KMT2E: variants seen among roughly 807,000 people sequenced by gnomAD.
The protein encoded by KMT2E is lysine methyltransferase 2E (inactive).
In KMT2E, 30 loss-of-function variants were observed where a neutral mutation model predicts 184.6. The ratio of observed to expected loss-of-function variants is 0.16; its 90% CI spans 0.12 to 0.22. KMT2E has a LOEUF of 0.22. Among genes scored for constraint, KMT2E ranks in the 10% least tolerant of loss-of-function variants. The pLI, the probability that KMT2E is intolerant of heterozygous loss-of-function variation, is 1.00. For missense variants in KMT2E, 2,023 were observed against 2,237.4 expected (o/e 0.90, Z 1.93); for synonymous variants, 815 against 776.5 (o/e 1.05, Z -0.82).
chr7:105,088,258 G>A (rs967462503), intron 13 of KMT2E, among the ~76,000 whole-genome samples: 9 of 152,154 alleles, frequency 5.9e-5, no homozygotes, highest in African/African-American at 1.9e-4. Context: ...CTCACCTAAA[G>A]TGCTTAATAA....
In KMT2E at chr7:105,056,492, G is replaced by A. The variant is rs547504999; in HGVS notation, c.72-5672G>A. On this transcript the variant is annotated intron_variant, in intron 3 of 26. Coordinates refer to ENST00000311117, the MANE Select transcript of KMT2E (RefSeq NM_182931.3). ...AAGATTCCACCTGCCATGTTTTCTT[G>A]TCTTTTTGCATATGCATGGGGTATT... Among the ~76,000 whole-genome samples, 9 of 152,246 alleles carry A rather than the reference G, an allele frequency of 5.9e-5. 1 individual carries two copies. Among genetic ancestry groups the A allele is most frequent in the Admixed American group, 5.9e-4 (9 of 15,288 alleles).
At chr7:105,024,488 TAA>T (rs1281105434) in intron 1 of KMT2E, among the ~76,000 whole-genome samples, 1 of 152,226 alleles carries the variant, frequency 6.6e-6, no homozygotes, top group Non-Finnish European at 1.5e-5. Context: ...AGAATTGACT[TAA>T]GAGAACTCTT....
rs1799468968 is a variant in KMT2E, at chr7:105,113,970, G to C, written c.*637G>C. The C allele has an allele frequency of 6.5e-6, 1 of 153,012 alleles. No homozygotes were observed. Among genetic ancestry groups the C allele is most frequent in the Admixed American group, 6.5e-5 (1 of 15,280 alleles). The allele number at this position is 153,012 out of a possible 1,614,324, so 9.5% of individuals were successfully genotyped here. A position where few individuals can be genotyped will look rare whatever the true frequency, so the allele number is the denominator to read the frequency against. On this transcript the variant is annotated 3_prime_UTR_variant, in exon 27 of 27. Transcript: ENST00000311117. ...TTTTGCAAAACTGTGTGATCTTTGT[G>C]AAAGTAGTACAGTATATGACCTTTA...
chr7:105,055,735 A>G (rs1243850026), intron 3 of KMT2E, among the ~76,000 whole-genome samples: 1 of 152,186 alleles, frequency 6.6e-6, no homozygotes, highest in Non-Finnish European at 1.5e-5. Context: ...TCTGTCTGGA[A>G]TACTTTCTCC....
intron 15 of KMT2E, among the ~76,000 whole-genome samples, chr7:105,098,647 CTCCTCGGCCTCCCAA>C (rs1377706816): frequency 6.6e-6 from 1 of 152,112 alleles, no homozygotes; most frequent in African/African-American, 2.4e-5. Flanking sequence ...ATGATCCACC[CTCCTCGGCCTCCCAA>C]AGTGCTGGGA....
At chr7:105,100,940 CCAAATGAGAATCATA>C (rs1234872475) in intron 15 of KMT2E, among the ~76,000 whole-genome samples, 1 of 152,114 alleles carries the variant, frequency 6.6e-6, no homozygotes, top group Non-Finnish European at 1.5e-5. Flanking sequence ...GAGATACTTA[CCAAATGAGAATCATA>C]ATTTTTAAAT....
rs185064188 is a variant in KMT2E, at chr7:105,014,889, G to A, written c.-189+354G>A. Among the ~76,000 whole-genome samples, 330 of 152,200 alleles carry A rather than the reference G, an allele frequency of 2.2e-3. 5 individuals are homozygous for A. Among genetic ancestry groups the A allele is most frequent in the Non-Finnish European group, 1.2e-3 (81 of 68,016 alleles). On this transcript the variant is annotated intron_variant, in intron 1 of 26. Coordinates refer to ENST00000311117, the MANE Select transcript of KMT2E (RefSeq NM_182931.3). The stretch of plus-strand genomic sequence containing the variant: ...TGTGACTGTTAGTAGGGTTTGTGTC[G>A]AAGTGGTCCCAGGAGCTGCCAGCGC...
At position 105,107,826 on chromosome 7, in the gene KMT2E, T is replaced by C. The variant is rs1798979475; in HGVS notation, c.3369T>C (p.Cys1123=). The C allele has an allele frequency of 1.2e-6, 2 of 1,614,064 alleles. No homozygotes were observed. The highest frequency in any genetic ancestry group is 2.7e-5 in the African/African-American group (2 of 74,932). The change falls in exon 22 of 27, where the codon TGT becomes TGC. Residue 1123 remains cysteine (C), a synonymous_variant. Coordinates refer to ENST00000311117, the MANE Select transcript of KMT2E (RefSeq NM_182931.3). ...RGMFMETTVF[C]TSEDGLVSGF... ...TGTTTATGGAAACAACTGTGTTTTGTACTTCCGAAGATGGGCTTGTATCTG... is the reference window on the plus strand; with the variant it reads ...TGTTTATGGAAACAACTGTGTTTTGCACTTCCGAAGATGGGCTTGTATCTG...
chr7:105,036,295 C>T (rs1795656065), intron 1 of KMT2E, among the ~76,000 whole-genome samples: 2 of 151,444 alleles, frequency 1.3e-5, no homozygotes, highest in Non-Finnish European at 2.9e-5. Context: ...GCCTCAGCCT[C>T]CCAAGTAGAT....
intron 18 of KMT2E, 61 bp downstream of exon 18, chr7:105,105,754 ACCAT>A (rs1356063762): frequency 6.4e-7 from 1 of 1,568,876 alleles, no homozygotes; most frequent in African/African-American, 1.4e-5. Context: ...ATTCCTTACT[ACCAT>A]CCATGGTAGT....
In KMT2E at chr7:105,090,223, A is replaced by G. The variant is rs1186201614; in HGVS notation, c.1573A>G (p.Thr525Ala). The G allele has an allele frequency of 6.2e-7, 1 of 1,605,506 alleles. No homozygotes were observed. The highest frequency in any genetic ancestry group is 2.2e-5 in the East Asian group (1 of 44,792). Residue 525 changes from threonine to alanine, a missense_variant, in exon 14 of 27, where the codon ACT becomes GCT. Physicochemically the swap from Thr to Ala is moderately conservative, Grantham distance 58. Transcript: ENST00000311117. ...GTTNKMKSPE[T>A]KQRKLSPLRL... ...GACCAACAAAATGAAGAGCCCAGAA[A>G]CTAAACAAAGAAAGCTTTCTCCACT...
Position 105,110,768 on chromosome 7 carries a change from T to C in KMT2E, c.3971-3T>C. 1.2e-6 allele frequency: 2 copies of C among 1,612,382 alleles called. No homozygotes were observed. The highest frequency in any genetic ancestry group is 1.3e-5 in the African/African-American group (1 of 75,028). The stretch of plus-strand genomic sequence containing the variant: ...CTTACTATAGGTTTCTTCTGCTTTA[T>C]AGACCCTGATCCTGAAAATCCAGAA... On this transcript the variant is annotated splice_region_variant and splice_polypyrimidine_tract_variant and intron_variant, in intron 25 of 26. Transcript: ENST00000311117.
chr7:105,054,514 A>ATCTATCTATCTG (rs1199471277), intron 3 of KMT2E, among the ~76,000 whole-genome samples: 2 of 137,460 alleles, frequency 1.5e-5, no homozygotes, highest in Admixed American at 7.2e-5. Flanking sequence ...CTATCTATCT[A>ATCTATCTATCTG]TCTGTCTGTC....
chr7:105,052,412 C>T (rs1274936223), intron 3 of KMT2E, among the ~76,000 whole-genome samples: 1 of 152,092 alleles, frequency 6.6e-6, no homozygotes, highest in Non-Finnish European at 1.5e-5. Context: ...TATATTTTTA[C>T]TAAAACATAA....
chr7:105,077,701 C>T, intron 11 of KMT2E: 1 of 333,242 alleles, frequency 3.0e-6, no homozygotes, highest in Non-Finnish European at 5.5e-6. Context: ...AAAGATTAAC[C>T]AACAGCAATA....
rs1349745946 is a variant in KMT2E, at chr7:105,068,635, TTTTG to T, written c.497+1832_497+1835del. Reference sequence around the variant, plus strand: ...CCTGACTAGTTGTGGTTTTTTTTTTTTTTGTTTTTTTTTTTTTTTTGTAGGCACA... The same window carrying T: ...CCTGACTAGTTGTGGTTTTTTTTTTTTTTTTTTTTTTTTTTTGTAGGCACA... On this transcript the variant is annotated intron_variant, in intron 6 of 26. Coordinates refer to ENST00000311117, the MANE Select transcript of KMT2E (RefSeq NM_182931.3). Among the ~76,000 whole-genome samples the T allele has an allele frequency of 1.3e-3, 173 of 136,198 alleles. 7 individuals carry two copies. In the East Asian group the frequency reaches 0.024, roughly 19 times the overall value. The allele number at this position is 136,198 out of a possible 152,430, so 89.4% of individuals were successfully genotyped here. A position where few individuals can be genotyped will look rare whatever the true frequency, so the allele number is the denominator to read the frequency against.
chr7:105,071,582 G>GTATATATATATA (rs1554392567), intron 6 of KMT2E, among the ~76,000 whole-genome samples: 30 of 34,932 alleles, frequency 8.6e-4, no homozygotes, highest in East Asian at 3.2e-3. Flanking sequence ...ATGTGTGTGT[G>GTATATATATATA]TATATATATA....
chr7:105,034,868 G>T (rs11980188), intron 1 of KMT2E, among the ~76,000 whole-genome samples: 1 of 119,410 alleles, frequency 8.4e-6, no homozygotes, highest in African/African-American at 3.1e-5. Flanking sequence ...GGGTGGGGGG[G>T]TGGGGGGATG....
chr7:105,062,394 CA>C, intron 4 of KMT2E, 116 bp downstream of exon 4: 1 of 571,064 alleles, frequency 1.8e-6, no homozygotes, highest in Non-Finnish European at 3.0e-6. Context: ...TTCATACTAT[CA>C]AAATAATTAG....
Sources: allele counts gnomAD v4.1 joint callset (sites outside exome capture counted in the v4.1 genomes callset), GRCh38; gene constraint gnomAD v4.1.1; transcripts MANE v1.5; gene names NCBI Gene and HGNC (gene_info 2026-07-23, HGNC 2026-07-21).